The following TSPAN9 variants were observed in gnomAD, a reference collection of about 807,000 sequenced individuals.
TSPAN9 encodes the protein tetraspanin 9, also known as tetraspanin-9.
A neutral mutation model predicts 31.0 loss-of-function variants in TSPAN9; 16 were observed. The ratio of observed to expected loss-of-function variants is 0.52; its 90% confidence interval spans 0.35 to 0.78. The LOEUF is 0.78. TSPAN9 is among the 30% of genes least tolerant of loss of function. TSPAN9 has a pLI of 0.01. For missense variants in TSPAN9, 272 were observed against 312.5 expected (o/e 0.87, Z 0.98); for synonymous variants, 145 against 121.6 (o/e 1.19, Z -1.27).
chr12:3,176,003 A>G (rs2098355338), intron 2 of TSPAN9, among the ~76,000 whole-genome samples: 1 of 152,094 alleles, frequency 6.6e-6, no homozygotes, highest in African/African-American at 2.4e-5. Flanking sequence ...TGCCCATCCA[A>G]GCTCTCAGAG....
At chr12:3,177,021 G>A (rs1400534500) in intron 2 of TSPAN9, among the ~76,000 whole-genome samples, 2 of 152,332 alleles carry the variant, frequency 1.3e-5, no homozygotes, top group South Asian at 4.1e-4. Flanking sequence ...TGAGCAAGAG[G>A]TGGCCGGGGG....
intron 2 of TSPAN9, among the ~76,000 whole-genome samples, chr12:3,156,768 A>G (rs980432143): frequency 6.6e-6 from 1 of 152,092 alleles, no homozygotes; most frequent in African/African-American, 2.4e-5. Context: ...TCAGCCTCCC[A>G]AAGTGCTGGG....
At chr12:3,146,409 T>C (rs944915463) in intron 2 of TSPAN9, among the ~76,000 whole-genome samples, 1 of 152,166 alleles carries the variant, frequency 6.6e-6, no homozygotes, top group African/African-American at 2.4e-5. Context: ...TGGTTTTCAT[T>C]CTGCCCACCT....
At chr12:3,185,613 G>A (rs1178035741) in intron 2 of TSPAN9, among the ~76,000 whole-genome samples, 4 of 152,292 alleles carry the variant, frequency 2.6e-5, no homozygotes, top group Non-Finnish European at 4.4e-5. Flanking sequence ...CCTCCACCCC[G>A]GCTGCCAGCC....
At chr12:3,238,521 C>G (rs1470787968) in intron 3 of TSPAN9, among the ~76,000 whole-genome samples, 2 of 152,200 alleles carry the variant, frequency 1.3e-5, no homozygotes, top group African/African-American at 4.8e-5. Context: ...AATACCAAAC[C>G]CTACATGGTC....
At chr12:3,276,113 C>T (rs898911832) in intron 3 of TSPAN9, among the ~76,000 whole-genome samples, 6 of 152,130 alleles carry the variant, frequency 3.9e-5, no homozygotes, top group South Asian at 2.1e-4. Flanking sequence ...GGGATGCCCA[C>T]GGGAAGGTGA....
chr12:3,085,327 C>T (rs1272156174), intron 2 of TSPAN9, among the ~76,000 whole-genome samples: 2 of 151,848 alleles, frequency 1.3e-5, no homozygotes, highest in Non-Finnish European at 2.9e-5. Context: ...CCAGACAGAA[C>T]TTGGTGAAGG....
At chr12:3,104,149 A>G (rs1428591638) in intron 2 of TSPAN9, among the ~76,000 whole-genome samples, 1 of 151,858 alleles carries the variant, frequency 6.6e-6, no homozygotes, top group Non-Finnish European at 1.5e-5. Context: ...GCTGGAGGGG[A>G]GTGAGCAAGG....
At chr12:3,106,138 G>A (rs974143806) in intron 2 of TSPAN9, among the ~76,000 whole-genome samples, 2 of 152,230 alleles carry the variant, frequency 1.3e-5, no homozygotes, top group South Asian at 2.1e-4. Context: ...TCACACACAC[G>A]TGCGTGATTG....
rs55735802 is a variant in TSPAN9, at chr12:3,220,145, C to CAAA, written c.63+18901_63+18903dup. 1.2e-4 allele frequency among the ~76,000 whole-genome samples: 17 copies of CAAA among 137,370 alleles called. 1 individual carries two copies. The highest frequency in any genetic ancestry group is 8.4e-4 in the East Asian group (4 of 4,790). 90.1% of individuals were successfully genotyped at this position (137,370 alleles called of 152,430 possible). A position where few individuals can be genotyped will look rare whatever the true frequency, so the allele number is the denominator to read the frequency against. On this transcript the variant is annotated intron_variant, in intron 3 of 8. Coordinates refer to ENST00000011898, the MANE Select transcript of TSPAN9 (RefSeq NM_006675.5). ...GGGTGACAAGAGCGAAACTCTGTCTCAAAAAAAAAAAAAAGGAATGAATCT... is the reference window on the plus strand; with the variant it reads ...GGGTGACAAGAGCGAAACTCTGTCTCAAAAAAAAAAAAAAAAAGGAATGAATCT...
At chr12:3,260,616 C>G (rs1373052963) in intron 3 of TSPAN9, among the ~76,000 whole-genome samples, 2 of 152,226 alleles carry the variant, frequency 1.3e-5, no homozygotes, top group East Asian at 3.8e-4. Context: ...TGAGCAAGAT[C>G]CAGGCCTGCT....
chr12:3,109,351 C>T (rs1486034653), intron 2 of TSPAN9, among the ~76,000 whole-genome samples: 1 of 144,550 alleles, frequency 6.9e-6, no homozygotes, highest in East Asian at 2.1e-4. Context: ...TTCTGTCTTT[C>T]CTGTGAACAT....
chr12:3,171,002 G>A (rs1462623559), intron 2 of TSPAN9, among the ~76,000 whole-genome samples: 1 of 152,060 alleles, frequency 6.6e-6, no homozygotes, highest in East Asian at 1.9e-4. Context: ...GATCAACCAG[G>A]ATTCTTCCTC....
In TSPAN9 at chr12:3,171,664, C is replaced by G. The variant is rs140895850; in HGVS notation, c.-17-29513C>G. 78 of 152,326 alleles carry G rather than the reference C, an allele frequency of 5.1e-4. 1 individual carries two copies. The highest frequency in any genetic ancestry group is 1.8e-3 in the African/African-American group (74 of 41,566). 9.4% of individuals were successfully genotyped at this position (152,326 alleles called of 1,614,324 possible). A position where few individuals can be genotyped will look rare whatever the true frequency, so the allele number is the denominator to read the frequency against. ...ATGCCCAGTAAATTCAGCATTCATT[C>G]ATTTACTGCCAAATTTCTTGATGAA... On this transcript the variant is annotated intron_variant, in intron 2 of 8. Transcript: ENST00000011898.
chr12:3,125,729 G>A (rs926614099), intron 2 of TSPAN9, among the ~76,000 whole-genome samples: 11 of 152,024 alleles, frequency 7.2e-5, no homozygotes, highest in Admixed American at 6.6e-4. Context: ...GTGCCTTGTT[G>A]TTGTGGCCTG....
chr12:3,095,192 G>T (rs1424300585), intron 2 of TSPAN9, among the ~76,000 whole-genome samples: 1 of 114,356 alleles, frequency 8.7e-6, no homozygotes, highest in Admixed American at 8.4e-5. Context: ...TGGGGGTAAG[G>T]TCACAGATCA....
intron 2 of TSPAN9, among the ~76,000 whole-genome samples, chr12:3,154,040 G>GTGTA (rs770901835): frequency 9.7e-5 from 14 of 143,724 alleles, no homozygotes; most frequent in Non-Finnish European, 2.0e-4. Flanking sequence ...GTGTGTGTGT[G>GTGTA]TCTGTGGATG....
intron 3 of TSPAN9, among the ~76,000 whole-genome samples, chr12:3,240,837 G>C (rs2098396214): frequency 6.6e-6 from 1 of 152,162 alleles, no homozygotes; most frequent in Non-Finnish European, 1.5e-5. Flanking sequence ...GCTGGCTGTT[G>C]CTGTAATTAG....
intron 3 of TSPAN9, among the ~76,000 whole-genome samples, chr12:3,259,252 A>G (rs1862405692): frequency 6.6e-6 from 1 of 152,214 alleles, no homozygotes; most frequent in African/African-American, 2.4e-5. Flanking sequence ...CTTCTTTGAC[A>G]GAGCTTTTCA....
Sources: allele counts gnomAD v4.1 joint callset (sites outside exome capture counted in the v4.1 genomes callset), GRCh38; gene constraint gnomAD v4.1.1; transcripts MANE v1.5; gene names NCBI Gene and HGNC (gene_info 2026-07-23, HGNC 2026-07-21).